BCKDHB: variants seen among roughly 807,000 people sequenced by gnomAD.
BCKDHB encodes 2-oxoisovalerate dehydrogenase subunit beta, mitochondrial.
A neutral mutation model predicts 48.5 loss-of-function variants in BCKDHB; 41 were observed. The observed-to-expected ratio is 0.85, with a 90% confidence interval of 0.66 to 1.10. The LOEUF (loss-of-function observed/expected upper bound fraction) is 1.10. Among genes scored for constraint, BCKDHB ranks in the 50% least tolerant of loss-of-function variants. The pLI, the probability that BCKDHB is intolerant of heterozygous loss-of-function variation, is 0.00. For missense variants in BCKDHB, 496 were observed against 494.2 expected (o/e 1.00, Z -0.03); for synonymous variants, 201 against 174.8 (o/e 1.15, Z -1.18).
chr6:80,415,117 T>A, the BCKDHB span, among the ~76,000 whole-genome samples: 1 of 152,144 alleles, frequency 6.6e-6, no homozygotes, highest in Non-Finnish European at 1.5e-5. Context: ...ATTGCTTTTT[T>A]ATCCTGAAAC....
intron 7 of BCKDHB, 150 bp downstream of exon 7, chr6:80,201,181 AC>A (rs1242189462): frequency 1.4e-6 from 1 of 715,090 alleles, no homozygotes; most frequent in African/African-American, 1.8e-5. Context: ...TTTTCCCTCA[AC>A]TTTATTGGTG....
chr6:80,255,642 A>G (rs1463701252), intron 8 of BCKDHB, among the ~76,000 whole-genome samples: 2 of 152,126 alleles, frequency 1.3e-5, no homozygotes, highest in Admixed American at 1.3e-4. Flanking sequence ...ATACAACCAG[A>G]AGGATTTTAC....
intron 9 of BCKDHB, among the ~76,000 whole-genome samples, chr6:80,295,423 G>A (rs1767173258): frequency 6.6e-6 from 1 of 151,942 alleles, no homozygotes; most frequent in Non-Finnish European, 1.5e-5. Flanking sequence ...AAAACCGTCA[G>A]ATCTCATGAT....
Position 80,106,956 on chromosome 6 carries a change from A to C in BCKDHB, c.196+67A>C, listed in dbSNP as rs1255957446. 5.2e-6 allele frequency: 8 copies of C among 1,539,660 alleles called. No homozygotes were observed. The East Asian group carries it at 1.7e-4, about 33-fold the overall frequency. On this transcript the variant is annotated intron_variant, in intron 1 of 9. Coordinates refer to ENST00000320393, the MANE Select transcript of BCKDHB (RefSeq NM_183050.4). ...ACTCCCAGGCTCGCAGGCGCCCGCG[A>C]GGGGCAGGGGCCGGCAGGCTGCAAT...
At chr6:80,399,136 AC>A in the BCKDHB span, among the ~76,000 whole-genome samples, 6 of 152,196 alleles carry the variant, frequency 3.9e-5, no homozygotes, top group African/African-American at 1.4e-4. Flanking sequence ...ATGAAAACCC[AC>A]AGCCAACATC....
chr6:80,127,603 T>C lies in BCKDHB; in HGVS notation c.253T>C (p.Leu85=), dbSNP rs780890874. 2 of 1,613,352 alleles carry C rather than the reference T, an allele frequency of 1.2e-6. No homozygotes were observed. Among genetic ancestry groups the C allele is most frequent in the Admixed American group, 1.7e-5 (1 of 59,984 alleles). ...QSVTSALDNS[L]AKDPTAVIFG... is the part of the protein sequence containing the mutation. ...TGTAACAAGTGCCTTGGATAACTCA[T>C]TGGCCAAAGATCCTACTGCAGGTAA... The change falls in exon 2 of 10, where the codon TTG becomes CTG. Residue 85 remains leucine, a synonymous_variant. Coordinates refer to ENST00000320393, the MANE Select transcript of BCKDHB (RefSeq NM_183050.4).
At chr6:80,434,369 A>T in the BCKDHB span, among the ~76,000 whole-genome samples, 3 of 151,496 alleles carry the variant, frequency 2.0e-5, no homozygotes, top group African/African-American at 7.3e-5. Context: ...TACTCTACAA[A>T]GTAGAGTATT....
In BCKDHB at chr6:80,273,339, A is replaced by G. The variant is rs139758968; in HGVS notation, c.1038+118A>G. On this transcript the variant is annotated intron_variant, in intron 9 of 9. Transcript: ENST00000320393. ...CATACACTTTATGGAAATGTAGTGC[A>G]TGCTTTCATATACTGTGATAAGTAA... The G allele has an allele frequency of 7.0e-3, 5,877 of 840,772 alleles. 50 individuals are homozygous for G. The highest frequency in any genetic ancestry group is 0.016 in the Middle Eastern group (69 of 4,408). The allele number at this position is 840,772 out of a possible 1,614,324, so 52.1% of individuals were successfully genotyped here.
chr6:80,201,689 C>T (rs1422846928), intron 7 of BCKDHB, among the ~76,000 whole-genome samples: 1 of 151,944 alleles, frequency 6.6e-6, no homozygotes, highest in Non-Finnish European at 1.5e-5. Flanking sequence ...TTCCAGTGAC[C>T]CTCTCTGCTG....
chr6:80,343,941 A>G lies in BCKDHB; in HGVS notation c.*137A>G. ...GTAAAGTTGGTAAAAGGCAACTTTC[A>G]GAAGAAAATAATGTGCTTTAGAAAA... On this transcript the variant is annotated 3_prime_UTR_variant, in exon 10 of 10. Coordinates refer to ENST00000320393, the MANE Select transcript of BCKDHB (RefSeq NM_183050.4). The G allele has an allele frequency of 4.6e-6, 5 of 1,089,248 alleles. No individual in the cohort carries two copies. The highest frequency in any genetic ancestry group is 6.9e-6 in the Non-Finnish European group (5 of 720,144). 67.5% of individuals were successfully genotyped at this position (1,089,248 alleles called of 1,614,324 possible).
intron 8 of BCKDHB, among the ~76,000 whole-genome samples, chr6:80,206,082 G>T (rs2127832173): frequency 6.6e-6 from 1 of 152,114 alleles, no homozygotes; most frequent in Non-Finnish European, 1.5e-5. Flanking sequence ...TGTGAATGGT[G>T]AAAGGTAAGT....
chr6:80,160,027 T>C (rs551916586), intron 3 of BCKDHB, among the ~76,000 whole-genome samples: 59 of 152,378 alleles, frequency 3.9e-4, no homozygotes, highest in African/African-American at 1.4e-3. Context: ...TTTAATAACT[T>C]GCAGATCTAC....
intron 9 of BCKDHB, among the ~76,000 whole-genome samples, chr6:80,309,499 A>G (rs556097136): frequency 6.6e-6 from 1 of 152,304 alleles, no homozygotes; most frequent in South Asian, 2.1e-4. Context: ...AAAAATATTT[A>G]TCTTTGAAAT....
chr6:80,169,904 G>A, intron 5 of BCKDHB: 2 of 1,561,234 alleles, frequency 1.3e-6, no homozygotes, highest in Non-Finnish European at 1.7e-6. Context: ...CCATGTGCGA[G>A]GCAAGTTATT....
At chr6:80,127,657 T>C (rs1290128744) in intron 2 of BCKDHB, 33 bp downstream of exon 2, 4 of 1,550,530 alleles carry the variant, frequency 2.6e-6, no homozygotes, top group Non-Finnish European at 1.8e-6. Context: ...TTGTGGTAGC[T>C]GTGTTAATTC....
At chr6:80,243,519 A>G (rs1776480311) in intron 8 of BCKDHB, among the ~76,000 whole-genome samples, 1 of 152,188 alleles carries the variant, frequency 6.6e-6, no homozygotes, top group Non-Finnish European at 1.5e-5. Context: ...TAATGAGAAA[A>G]GTCCTTAAAT....
the BCKDHB span, among the ~76,000 whole-genome samples, chr6:80,425,296 T>C: frequency 6.6e-6 from 1 of 152,182 alleles, no homozygotes; most frequent in Non-Finnish European, 1.5e-5. Flanking sequence ...ACTAAAATAC[T>C]TAATTTATCC....
intron 3 of BCKDHB, among the ~76,000 whole-genome samples, chr6:80,157,704 C>G (rs1001561648): frequency 2.0e-5 from 3 of 151,470 alleles, no homozygotes; most frequent in Non-Finnish European, 4.4e-5. Context: ...GTCTTGAACT[C>G]CTGACCTCAG....
intron 8 of BCKDHB, 22 bp downstream of exon 8, chr6:80,203,234 A>G (rs1364789339): frequency 6.6e-7 from 1 of 1,505,548 alleles, no homozygotes; most frequent in Non-Finnish European, 9.2e-7. Flanking sequence ...ATGGTGATAG[A>G]ATGTCATTTC....
Sources: gnomAD v4.1 joint callset for allele counts (sites outside exome capture counted in the v4.1 genomes callset) on GRCh38, gnomAD v4.1.1 for gene constraint, MANE v1.5 for transcripts, NCBI Gene and HGNC (gene_info 2026-07-23, HGNC 2026-07-21) for gene names.